The following OSBPL7 variants were observed in gnomAD, a reference collection of about 807,000 sequenced individuals.
The protein encoded by OSBPL7 is oxysterol binding protein like 7.
OSBPL7 carries 66 observed loss-of-function variants against 115.8 expected under a neutral mutation model. The observed-to-expected ratio is 0.57, with a 90% CI of 0.47 to 0.70. The LOEUF (loss-of-function observed/expected upper bound fraction) is 0.70. OSBPL7 is among the 30% of genes least tolerant of loss of function. The probability of loss-of-function intolerance (pLI) is 0.00; values close to 1 mark genes in which losing one functional copy is unlikely to be tolerated. For missense variants in OSBPL7, 902 were observed against 1,125.5 expected, an observed-to-expected ratio of 0.80 and a Z score of 2.84; for synonymous variants, 441 against 439.2, an observed-to-expected ratio of 1.00 and a Z score of -0.05.
intron 4 of OSBPL7, chr17:47,819,400 C>T (rs2033327804): frequency 1.8e-6 from 1 of 560,794 alleles, no homozygotes. Flanking sequence ...GGTACCCAGG[C>T]CTTCAGTTCC....
intron 18 of OSBPL7, 80 bp from the exon 19 acceptor site, chr17:47,809,558 C>G (rs2032971367): frequency 1.3e-6 from 2 of 1,533,078 alleles, no homozygotes; most frequent in Non-Finnish European, 1.8e-6. Flanking sequence ...CTTGCTGAAG[C>G]AGGTCATGTG....
At chr17:47,811,701 C>T (rs1051124379) in intron 16 of OSBPL7, among the ~76,000 whole-genome samples, 2 of 152,180 alleles carry the variant, frequency 1.3e-5, no homozygotes, top group African/African-American at 2.4e-5. Context: ...GTCAGGGGGG[C>T]GATTCCTTCT....
Position 47,809,150 on chromosome 17 carries a change from T to A in OSBPL7, c.2096A>T (p.His699Leu). ...AVLSRSGRVL[H>L]RLFGKWHEGL... ...CTCGTGCCACTTCCCAAAGAGTCGG[T>A]GGAGGACACGGCCACTCCGACTGAG... Residue 699 changes from histidine to leucine, a missense_variant, in exon 20 of 23, where the codon CAC (histidine) becomes CTC (leucine). Around this residue, in one of 3 missense-constraint regions of OSBPL7, gnomAD observed 230 missense variants for 312.7 expected, o/e 0.74. Coordinates refer to ENST00000007414, the MANE Select transcript of OSBPL7 (RefSeq NM_145798.3). 1 of 1,613,978 alleles carries A rather than the reference T, an allele frequency of 6.2e-7. No homozygotes were observed. Among genetic ancestry groups the A allele is most frequent in the Non-Finnish European group, 8.5e-7 (1 of 1,179,990 alleles).
chr17:47,820,147 C>T (rs1197606347), intron 2 of OSBPL7, 51 bp from the exon 3 acceptor site: 8 of 1,613,386 alleles, frequency 5.0e-6, no homozygotes, highest in Non-Finnish European at 6.8e-6. Context: ...TCCGCCTTGG[C>T]CCCTCCCTGT....
In OSBPL7 at chr17:47,813,250, T is replaced by C. The variant is rs747087309; in HGVS notation, c.1737+16A>G. The stretch of plus-strand genomic sequence containing the variant: ...CCCAGACACCCAAGGCCAGCCCTCT[T>C]CTCCCAAGGCCATACCTGCTCACTG... On this transcript the variant is annotated intron_variant, in intron 16 of 22. Coordinates refer to ENST00000007414, the MANE Select transcript of OSBPL7 (RefSeq NM_145798.3). 1.8e-5 allele frequency: 29 copies of C among 1,613,290 alleles called. No homozygotes were observed. Among genetic ancestry groups the C allele is most frequent in the Non-Finnish European group, 2.3e-5 (27 of 1,179,876 alleles).
rs568642471 is a variant in OSBPL7, at chr17:47,816,380, G to C, written c.1023+8C>G. ...CCCGCACCAGTCACCCTGTCCCCCA[G>C]GCCTCACCCCCATTCTTGACAACTC... On this transcript the variant is annotated splice_region_variant and intron_variant, in intron 11 of 22. Transcript: ENST00000007414. This position sits in a 1 kb window ranked among gnomAD's most constrained non-coding sequence, Gnocchi z 5.8. 7 of 1,498,046 alleles carry C rather than the reference G, an allele frequency of 4.7e-6. No homozygotes were observed. The highest frequency in any genetic ancestry group is 1.3e-5 in the South Asian group (1 of 74,858). The allele number at this position is 1,498,046 out of a possible 1,614,324, so 92.8% of individuals were successfully genotyped here.
In OSBPL7 at chr17:47,808,581, C is replaced by T; in HGVS notation, c.2377G>A (p.Val793Ile). Residue 793 changes from valine to isoleucine, a missense_variant, in exon 22 of 23, where the codon GTC (valine) becomes ATC (isoleucine). Physicochemically the swap from Val to Ile is conservative, Grantham distance 29. Around this residue, in one of 3 missense-constraint regions of OSBPL7, gnomAD observed 230 missense variants for 312.7 expected, o/e 0.74. Transcript: ENST00000007414. This position sits in a 1 kb window ranked among gnomAD's most constrained non-coding sequence, Gnocchi z 6.1. ...TGTACGATGTTGTTTTCCTCCATGA[C>T]TTTGCGCCTGTCTCGCTGCAGCTGC... ...IEQLQRDRRK[V>I]MEENNIVHQA... 6.2e-7 allele frequency: 1 copy of T among 1,614,216 alleles called. No individual in the cohort carries two copies. Among genetic ancestry groups the T allele is most frequent in the Non-Finnish European group, 8.5e-7 (1 of 1,180,020 alleles).
In OSBPL7 at chr17:47,813,433, T is replaced by G. The variant is rs763298249; in HGVS notation, c.1600-30A>C. 6.8e-6 allele frequency: 11 copies of G among 1,612,870 alleles called. No homozygotes were observed. In the Admixed American group the frequency reaches 1.8e-4, roughly 27 times the overall value. Reference sequence around the variant, plus strand: ...GGGGGGCAAGGAAGGTGCAGGGTACTGAGGACGGGGCCGCCACCCCAAGCA... The same window carrying G: ...GGGGGGCAAGGAAGGTGCAGGGTACGGAGGACGGGGCCGCCACCCCAAGCA... On this transcript the variant is annotated intron_variant, in intron 15 of 22. Coordinates refer to ENST00000007414, the MANE Select transcript of OSBPL7 (RefSeq NM_145798.3).
chr17:47,815,242 G>A lies in OSBPL7; in HGVS notation c.1230C>T (p.Leu410=). 1.9e-6 allele frequency: 3 copies of A among 1,613,722 alleles called. No homozygotes were observed. Among genetic ancestry groups the A allele is most frequent in the Non-Finnish European group, 2.5e-6 (3 of 1,179,816 alleles). ...CATTCTCAGAAGAGCTGGCGGAGAG[G>A]AGAACCTCGCAGGCATCGAAGAACT... ...HTEFFDACEV[L]LSASSSENEG... is the part of the protein sequence containing the mutation. The change falls in exon 13 of 23, where the codon CTC becomes CTT. Residue 410 remains leucine (L), a synonymous_variant. Transcript: ENST00000007414.
In OSBPL7 at chr17:47,814,533, G is replaced by T. The variant is rs149876500; in HGVS notation, c.1339C>A (p.Arg447Ser). Residue 447 changes from arginine to serine, a missense_variant, in exon 14 of 23, where the codon CGC becomes AGC. Transcript: ENST00000007414. ...EEMLDLRGAERCQKGGCVPGR... is the reference protein window; with the variant it reads ...EEMLDLRGAESCQKGGCVPGR... ...ACCCAGCTGGCACCTTTCTGACAGC[G>T]CTCAGCTCCCCTGAGGTCCAGCATC... 2 of 1,421,034 alleles carry T rather than the reference G, an allele frequency of 1.4e-6. No individual in the cohort carries two copies. Among genetic ancestry groups the T allele is most frequent in the East Asian group, 3.7e-5 (1 of 27,234 alleles). The allele number at this position is 1,421,034 out of a possible 1,614,324, so 88.0% of individuals were successfully genotyped here.
intron 4 of OSBPL7, 183 bp from the exon 5 acceptor site, chr17:47,819,282 C>A: frequency 1.7e-6 from 1 of 590,834 alleles, no homozygotes; most frequent in Non-Finnish European, 3.0e-6. Context: ...CGCTCCCCTA[C>A]GTCAAGTCAC....
Position 47,819,027 on chromosome 17 carries a change from G to T in OSBPL7, c.328C>A (p.Arg110Ser), listed in dbSNP as rs377243018. The T allele has an allele frequency of 5.0e-6, 8 of 1,614,024 alleles. No homozygotes were observed. Among genetic ancestry groups the T allele is most frequent in the Non-Finnish European group, 5.9e-6 (7 of 1,180,020 alleles). Reference protein sequence around the residue: ...SVMSINKKAQRIDLDTEDNIY... With the variant: ...SVMSINKKAQSIDLDTEDNIY... ...TTGTCTTCAGTGTCAAGGTCAATGC[G>T]CTGGGCCTTTTTGTTGATGGACATG... The change falls in exon 5 of 23, where the codon CGC (arginine) becomes AGC (serine). Residue 110 changes from arginine to serine, a missense_variant. Coordinates refer to ENST00000007414, the MANE Select transcript of OSBPL7 (RefSeq NM_145798.3).
At position 47,816,104 on chromosome 17, in the gene OSBPL7, C is replaced by T. The variant is rs764187810; in HGVS notation, c.1119+3G>A. 1 of 1,548,664 alleles carries T rather than the reference C, an allele frequency of 6.5e-7. No individual in the cohort carries two copies. The highest frequency in any genetic ancestry group is 1.2e-5 in the South Asian group (1 of 83,684). ...GCCCCCACAGCCCACCCTGGCTCCT[C>T]ACCTCCTCAGGGTTGAGGGAGCTGA... On this transcript the variant is annotated splice_donor_region_variant and intron_variant, in intron 12 of 22. Coordinates refer to ENST00000007414, the MANE Select transcript of OSBPL7 (RefSeq NM_145798.3). This position sits in a 1 kb window ranked among gnomAD's most constrained non-coding sequence, Gnocchi z 5.8.
rs765052315 is a variant in OSBPL7 at position 47,813,725 on chromosome 17, G to T, written c.1461C>A (p.Ile487=). ...TTGACACCTTGGACAGGTCTTTGCCGATGTTGTTGCGCAGAATGTTCCACA... is the reference window on the plus strand; with the variant it reads ...TTGACACCTTGGACAGGTCTTTGCCTATGTTGTTGCGCAGAATGTTCCACA... ...VSLWNILRNN[I]GKDLSKVSMP... The change falls in exon 15 of 23, where the codon ATC becomes ATA. Residue 487 remains isoleucine (I), a synonymous_variant. Coordinates refer to ENST00000007414, the MANE Select transcript of OSBPL7 (RefSeq NM_145798.3). 1.4e-5 allele frequency: 22 copies of T among 1,613,372 alleles called. No homozygotes were observed. The highest frequency in any genetic ancestry group is 1.3e-4 in the East Asian group (6 of 44,896).
chr17:47,821,667 C>T lies in OSBPL7; in HGVS notation c.-89G>A, dbSNP rs1408592483. ...GCTGCTGCCACGCAGCCCCCTTACC[C>T]CAGGGTCCATGGACGCCAGTACTCC... On this transcript the variant is annotated splice_region_variant and 5_prime_UTR_variant, in exon 1 of 23. Transcript: ENST00000007414. The T allele has an allele frequency of 2.0e-5, 3 of 152,436 alleles. No homozygotes were observed. The highest frequency in any genetic ancestry group is 4.4e-5 in the Non-Finnish European group (3 of 68,208). The allele number at this position is 152,436 out of a possible 1,614,324, so 9.4% of individuals were successfully genotyped here. A position where few individuals can be genotyped will look rare whatever the true frequency, so the allele number is the denominator to read the frequency against.
At chr17:47,813,053 G>T (rs2033091439) in intron 16 of OSBPL7, among the ~76,000 whole-genome samples, 2 of 152,124 alleles carry the variant, frequency 1.3e-5, no homozygotes, top group African/African-American at 2.4e-5. Context: ...GCCCAAGATT[G>T]CCCCCTAAAG....
At position 47,808,202 on chromosome 17, in the gene OSBPL7, C is replaced by T. The variant is rs558772569; in HGVS notation, c.*89G>A. On this transcript the variant is annotated 3_prime_UTR_variant, in exon 23 of 23. Transcript: ENST00000007414. This position sits in a 1 kb window ranked among gnomAD's most constrained non-coding sequence, Gnocchi z 6.1. ...CCCTTTGGTCTCAAGGGCAGTGAGGCGGGGAGCCCGGCCTCACCCATGTGT... is the reference window on the plus strand; with the variant it reads ...CCCTTTGGTCTCAAGGGCAGTGAGGTGGGGAGCCCGGCCTCACCCATGTGT... 5.8e-4 allele frequency: 590 copies of T among 1,017,120 alleles called. 3 individuals carry two copies. The highest frequency in any genetic ancestry group is 1.9e-3 in the Middle Eastern group (6 of 3,204). The allele number at this position is 1,017,120 out of a possible 1,614,324, so 63.0% of individuals were successfully genotyped here.
chr17:47,810,745 AC>A, intron 17 of OSBPL7, 26 bp downstream of exon 17: 2 of 1,613,560 alleles, frequency 1.2e-6, no homozygotes, highest in East Asian at 2.2e-5. Context: ...GCCCAGGGCC[AC>A]CCCGGCCCTG....
At position 47,820,347 on chromosome 17, in the gene OSBPL7, A is replaced by C. The variant is rs1292066452; in HGVS notation, c.-69T>G. The C allele has an allele frequency of 5.4e-5, 80 of 1,478,428 alleles. No individual in the cohort carries two copies. The highest frequency in any genetic ancestry group is 7.1e-5 in the Non-Finnish European group (77 of 1,082,780). The allele number at this position is 1,478,428 out of a possible 1,614,324, so 91.6% of individuals were successfully genotyped here. ...AGCAGGGTGGAAGGGGAAGGATGTC[A>C]CCTGCTCCTGACGGGGTCCTTGAAG... is the stretch of plus-strand genomic sequence containing the variant. On this transcript the variant is annotated 5_prime_UTR_variant, in exon 2 of 23. An upstream open reading frame in the 5' UTR loses its in-frame stop. Transcript: ENST00000007414.
Sources: allele counts gnomAD v4.1 joint callset (sites outside exome capture counted in the v4.1 genomes callset), GRCh38; gene constraint gnomAD v4.1.1; regional missense constraint gnomAD v4.1.1; non-coding constraint Gnocchi (gnomAD v3.1); transcripts MANE v1.5; gene names NCBI Gene and HGNC (gene_info 2026-07-23, HGNC 2026-07-21).